The following PKNOX2 variants were observed in gnomAD, a reference collection of about 807,000 sequenced individuals.
PKNOX2 encodes homeobox protein PKNOX2.
A neutral mutation model predicts 53.1 loss-of-function variants in PKNOX2; 14 were observed. The ratio of observed to expected loss-of-function variants is 0.26; its 90% CI spans 0.17 to 0.41. PKNOX2 has a LOEUF of 0.41. Ranked by LOEUF, PKNOX2 falls within the 10% of genes least tolerant of loss-of-function variation. PKNOX2 has a pLI of 1.00. For missense variants in PKNOX2, 496 were observed against 602.8 expected (o/e 0.82, Z 1.85); for synonymous variants, 257 against 242.8 (o/e 1.06, Z -0.54).
intron 1 of PKNOX2, among the ~76,000 whole-genome samples, chr11:125,188,898 T>C (rs1184451758): frequency 2.6e-5 from 4 of 151,662 alleles, no homozygotes; most frequent in Non-Finnish European, 5.9e-5. Flanking sequence ...GCCGGGAACA[T>C]AGTCCCCGTG....
intron 2 of PKNOX2, among the ~76,000 whole-genome samples, chr11:125,276,394 A>G (rs953110213): frequency 6.6e-6 from 1 of 152,206 alleles, no homozygotes; most frequent in Non-Finnish European, 1.5e-5. Flanking sequence ...ATATGGAGGT[A>G]TGTTTATATG....
intron 4 of PKNOX2, among the ~76,000 whole-genome samples, chr11:125,360,588 T>C (rs1477010540): frequency 6.6e-6 from 1 of 152,192 alleles, no homozygotes; most frequent in African/African-American, 2.4e-5. Context: ...AGGGGCCGCC[T>C]GTTCCTGCAC....
Position 125,165,614 on chromosome 11 carries a change from C to T in PKNOX2, c.-201+838C>T, listed in dbSNP as rs1954808259. On this transcript the variant is annotated intron_variant, in intron 1 of 12. Coordinates refer to ENST00000298282, the MANE Select transcript of PKNOX2 (RefSeq NM_001382323.2). This position sits in a 1 kb window ranked among gnomAD's most constrained non-coding sequence, Gnocchi z 4.5. ...GGAGACAGGGGAACACCGGCGGGGC[C>T]CGGGAAGCCAGGATCCGAGGGGCTA... 6.6e-6 allele frequency among the ~76,000 whole-genome samples: 1 copy of T among 152,124 alleles called. No homozygotes were observed. Among genetic ancestry groups the T allele is most frequent in the Non-Finnish European group, 1.5e-5 (1 of 68,012 alleles).
At chr11:125,359,339 T>C (rs1025811091) in intron 4 of PKNOX2, among the ~76,000 whole-genome samples, 2 of 152,032 alleles carry the variant, frequency 1.3e-5, no homozygotes, top group South Asian at 2.1e-4. Context: ...AGGGACCATA[T>C]GGGGACCCAC....
intron 7 of PKNOX2, among the ~76,000 whole-genome samples, chr11:125,405,499 A>ACC (rs113387620): frequency 6.6e-6 from 1 of 151,834 alleles, no homozygotes; most frequent in African/African-American, 2.4e-5. Flanking sequence ...GGGCCCCTGC[A>ACC]CCCCCCACTT....
chr11:125,431,087 A>G, intron 12 of PKNOX2, 79 bp from the exon 13 acceptor site: 24 of 1,529,950 alleles, frequency 1.6e-5, no homozygotes, highest in Non-Finnish European at 2.1e-5. Flanking sequence ...GAGCCAGTCC[A>G]TTAAACCCTG....
At chr11:125,241,972 C>A (rs1408969097) in intron 2 of PKNOX2, among the ~76,000 whole-genome samples, 1 of 152,120 alleles carries the variant, frequency 6.6e-6, no homozygotes, top group Non-Finnish European at 1.5e-5. Flanking sequence ...CAGTTAAGCC[C>A]CCAAGCTCCA....
At chr11:125,229,774 C>T (rs550323955) in intron 1 of PKNOX2, among the ~76,000 whole-genome samples, 1 of 152,176 alleles carries the variant, frequency 6.6e-6, no homozygotes, top group African/African-American at 2.4e-5. Flanking sequence ...GTCCATGGGG[C>T]CAGGGGGGGC....
intron 4 of PKNOX2, among the ~76,000 whole-genome samples, chr11:125,362,015 C>T (rs1951951745): frequency 6.6e-6 from 1 of 152,148 alleles, no homozygotes; most frequent in Non-Finnish European, 1.5e-5. Context: ...CTGGCACGAT[C>T]ATTGTTGGGA....
At chr11:125,310,819 T>G (rs1414826908) in intron 2 of PKNOX2, among the ~76,000 whole-genome samples, 1 of 152,104 alleles carries the variant, frequency 6.6e-6, no homozygotes. Flanking sequence ...TTGAACCCTT[T>G]TAAAATCATC....
Position 125,250,932 on chromosome 11 carries a change from C to T in PKNOX2, c.-130+15817C>T, listed in dbSNP as rs1053110102. On this transcript the variant is annotated intron_variant, in intron 2 of 12. Coordinates refer to ENST00000298282, the MANE Select transcript of PKNOX2 (RefSeq NM_001382323.2). ...GGTTCCTCCTTCTGCCTCCCCTCAG[C>T]ATATGGGGGACCCCTGGCCGTGCCA... Among the ~76,000 whole-genome samples, 4 of 152,232 alleles carry T rather than the reference C, an allele frequency of 2.6e-5. No homozygotes were observed. The East Asian group carries it at 7.7e-4, about 29-fold the overall frequency.
At chr11:125,343,018 C>T (rs985986212) in intron 3 of PKNOX2, among the ~76,000 whole-genome samples, 7 of 152,002 alleles carry the variant, frequency 4.6e-5, no homozygotes, top group Non-Finnish European at 8.8e-5. Context: ...AGAATCCGCT[C>T]TCTAGGTTAG....
chr11:125,413,201 G>A (rs1368907007), intron 10 of PKNOX2, among the ~76,000 whole-genome samples: 1 of 152,216 alleles, frequency 6.6e-6, no homozygotes, highest in Non-Finnish European at 1.5e-5. Flanking sequence ...GGAGAGGAGG[G>A]GCTGGAATGC....
At chr11:125,178,626 GAAAGAAAGAAAGAAAGAAA>G (rs1565462388) in intron 1 of PKNOX2, among the ~76,000 whole-genome samples, 41 of 79,522 alleles carry the variant, frequency 5.2e-4, no homozygotes, top group African/African-American at 2.9e-3. Flanking sequence ...AAGAAAGAAA[GAAAGAAAGAAAGAAAGAAA>G]GAAGGAAGGA....
At chr11:125,258,872 C>T (rs1300796375) in intron 2 of PKNOX2, 3 of 393,328 alleles carry the variant, frequency 7.6e-6, no homozygotes, top group South Asian at 3.6e-5. Context: ...ATGTCTCTTG[C>T]CTCGGGGCCA....
chr11:125,294,939 C>G (rs546017316), intron 2 of PKNOX2, among the ~76,000 whole-genome samples: 1 of 152,296 alleles, frequency 6.6e-6, no homozygotes, highest in East Asian at 1.9e-4. Context: ...GGCGGAGGAA[C>G]TGGAACTCTG....
chr11:125,408,704 C>G (rs1955275334), intron 7 of PKNOX2, among the ~76,000 whole-genome samples: 1 of 152,168 alleles, frequency 6.6e-6, no homozygotes, highest in Non-Finnish European at 1.5e-5. Flanking sequence ...ACAGGCTCTG[C>G]CAGGTTCTGT....
At chr11:125,404,732 G>A (rs569729773) in intron 7 of PKNOX2, among the ~76,000 whole-genome samples, 57 of 152,224 alleles carry the variant, frequency 3.7e-4, no homozygotes, top group Non-Finnish European at 6.9e-4. Context: ...TTAACATTGC[G>A]CTAAGCAGTT....
chr11:125,232,712 C>T (rs1356749297), intron 1 of PKNOX2, among the ~76,000 whole-genome samples: 1 of 152,158 alleles, frequency 6.6e-6, no homozygotes, highest in Non-Finnish European at 1.5e-5. Flanking sequence ...TCATTCAACC[C>T]TCAGTTGGGT....
Sources: allele counts gnomAD v4.1 joint callset (sites outside exome capture counted in the v4.1 genomes callset), GRCh38; gene constraint gnomAD v4.1.1; non-coding constraint Gnocchi (gnomAD v3.1); transcripts MANE v1.5; gene names NCBI Gene and HGNC (gene_info 2026-07-23, HGNC 2026-07-21).